The following FSTL5 variants were observed in gnomAD, a reference collection of about 807,000 sequenced individuals.
FSTL5 encodes follistatin-related protein 5.
In FSTL5, 62 loss-of-function variants were observed where a neutral mutation model predicts 89.1. The ratio of observed to expected loss-of-function variants is 0.70; its 90% CI spans 0.57 to 0.86. The LOEUF is 0.86. FSTL5 is among the 40% of genes least tolerant of loss of function. FSTL5 has a pLI of 0.00. For synonymous variants in FSTL5, 383 were observed against 346.2 expected (o/e 1.11, Z -1.18); for missense variants, 1,057 against 1,001.6 (o/e 1.06, Z -0.75).
chr4:161,559,091 T>C (rs139852691), intron 8 of FSTL5, among the ~76,000 whole-genome samples: 34 of 152,040 alleles, frequency 2.2e-4, no homozygotes, highest in African/African-American at 7.9e-4. Context: ...AATCCTTTAC[T>C]GCATTCTCCG....
At chr4:161,966,453 G>A (rs1170768424) in intron 3 of FSTL5, among the ~76,000 whole-genome samples, 4 of 152,092 alleles carry the variant, frequency 2.6e-5, no homozygotes, top group Non-Finnish European at 5.9e-5. Flanking sequence ...CAAATGTGAA[G>A]TATACAAAAC....
intron 1 of FSTL5, among the ~76,000 whole-genome samples, chr4:162,127,273 C>T (rs1177987125): frequency 6.6e-6 from 1 of 152,140 alleles, no homozygotes; most frequent in Non-Finnish European, 1.5e-5. Context: ...TTTTTCATTT[C>T]CCCTTTTATA....
chr4:161,801,816 G>C (rs1579102836), intron 4 of FSTL5, among the ~76,000 whole-genome samples: 1 of 151,580 alleles, frequency 6.6e-6, no homozygotes, highest in African/African-American at 2.4e-5. Context: ...AGTTGTGATT[G>C]AAATGTGTGA....
chr4:162,071,886 T>C (rs1023084955), intron 2 of FSTL5, among the ~76,000 whole-genome samples: 1 of 151,788 alleles, frequency 6.6e-6, no homozygotes, highest in African/African-American at 2.4e-5. Context: ...TTAAACAACA[T>C]GCTCCTTAAT....
intron 1 of FSTL5, among the ~76,000 whole-genome samples, chr4:162,144,992 T>G (rs910297141): frequency 6.7e-6 from 1 of 148,488 alleles, no homozygotes; most frequent in Non-Finnish European, 1.5e-5. Context: ...ATATATTCAT[T>G]GTATGTATAT....
intron 5 of FSTL5, among the ~76,000 whole-genome samples, chr4:161,763,648 C>A (rs1212966746): frequency 6.6e-6 from 1 of 152,188 alleles, no homozygotes; most frequent in East Asian, 1.9e-4. Flanking sequence ...GAGTAACGTA[C>A]CATTCATATG....
In FSTL5 at chr4:161,574,327, CTTTTTCTTTTT is replaced by C. The variant is rs563978527; in HGVS notation, c.1015+13117_1015+13127del. On this transcript the variant is annotated intron_variant, in intron 8 of 15. Transcript: ENST00000306100. ...TCTTCTACTACAAAACATGACTTTC[CTTTTTCTTTTT>C]TTTTTCTTTTTTTTTTTTAAATTTT... Among the ~76,000 whole-genome samples the C allele has an allele frequency of 2.6e-3, 386 of 150,074 alleles. 1 individual carries two copies. Among genetic ancestry groups the C allele is most frequent in the African/African-American group, 6.8e-3 (279 of 40,990 alleles).
In FSTL5 at chr4:161,985,614, T is replaced by C. The variant is rs1411988512; in HGVS notation, c.160+48011A>G. Among the ~76,000 whole-genome samples the C allele has an allele frequency of 2.0e-5, 3 of 152,016 alleles. No individual in the cohort carries two copies. The East Asian group carries it at 5.8e-4, about 29-fold the overall frequency. On this transcript the variant is annotated intron_variant, in intron 3 of 15. Coordinates refer to ENST00000306100, the MANE Select transcript of FSTL5 (RefSeq NM_020116.5). ...TTGAATTTGCCTATTTAAATATCCA[T>C]GCACTTATATGAATACTTATACTTT... is the stretch of plus-strand genomic sequence containing the variant.
intron 3 of FSTL5, among the ~76,000 whole-genome samples, chr4:162,016,714 T>C (rs1224178466): frequency 1.3e-5 from 2 of 152,230 alleles, no homozygotes; most frequent in Non-Finnish European, 2.9e-5. Context: ...CCTGGCATTT[T>C]TGAGCATCTT....
intron 6 of FSTL5, among the ~76,000 whole-genome samples, chr4:161,694,337 A>G (rs1269914519): frequency 6.6e-6 from 1 of 151,856 alleles, no homozygotes; most frequent in East Asian, 1.9e-4. Context: ...AGGCTTTGTT[A>G]TTTTCTGTTT....
At position 161,430,196 on chromosome 4, in the gene FSTL5, A is replaced by G. The variant is rs1283526652; in HGVS notation, c.1841+24808T>C. ...CAGGCTATTTGAAAATACACAGAGG[A>G]GCAAAAAGAAAAAAAAATGAAAAGA... On this transcript the variant is annotated intron_variant, in intron 15 of 15. Transcript: ENST00000306100. Among the ~76,000 whole-genome samples the G allele has an allele frequency of 3.3e-5, 5 of 150,394 alleles. 1 individual carries two copies. The East Asian group carries it at 9.7e-4, about 29-fold the overall frequency.
intron 15 of FSTL5, among the ~76,000 whole-genome samples, chr4:161,445,592 G>A (rs1297033729): frequency 1.3e-5 from 2 of 151,884 alleles, no homozygotes; most frequent in South Asian, 4.2e-4. Context: ...AATATTAAAA[G>A]ATGTTAAAAC....
At chr4:162,017,059 A>T (rs978950472) in intron 3 of FSTL5, among the ~76,000 whole-genome samples, 1 of 152,204 alleles carries the variant, frequency 6.6e-6, no homozygotes, top group Non-Finnish European at 1.5e-5. Context: ...GTAAAGTTTT[A>T]AAAAATATGG....
chr4:161,430,199 A>T (rs1352163426), intron 15 of FSTL5, among the ~76,000 whole-genome samples: 4 of 149,744 alleles, frequency 2.7e-5, no homozygotes, highest in Non-Finnish European at 6.0e-5. Context: ...ACAGAGGAGC[A>T]AAAAGAAAAA....
At chr4:161,860,282 C>A (rs538816982) in intron 4 of FSTL5, among the ~76,000 whole-genome samples, 2 of 117,634 alleles carry the variant, frequency 1.7e-5, no homozygotes, top group African/African-American at 6.3e-5. Context: ...AGCGAGACTC[C>A]GTCTCAAACA....
chr4:162,105,485 T>C (rs1279111503), intron 2 of FSTL5, among the ~76,000 whole-genome samples: 2 of 152,184 alleles, frequency 1.3e-5, no homozygotes, highest in African/African-American at 4.8e-5. Flanking sequence ...TACTTTGATC[T>C]TATTAACCTA....
At chr4:161,544,791 CA>C (rs1177259223) in intron 8 of FSTL5, among the ~76,000 whole-genome samples, 1 of 151,884 alleles carries the variant, frequency 6.6e-6, no homozygotes, top group Non-Finnish European at 1.5e-5. Context: ...AGAGAACTGA[CA>C]AAATTTAAAT....
chr4:161,553,718 G>A (rs1331397975), intron 8 of FSTL5, among the ~76,000 whole-genome samples: 1 of 151,416 alleles, frequency 6.6e-6, no homozygotes, highest in Non-Finnish European at 1.5e-5. Context: ...ATTAAATTAT[G>A]AATTAGATTG....
chr4:161,854,573 A>C (rs991799307), intron 4 of FSTL5, among the ~76,000 whole-genome samples: 3 of 152,196 alleles, frequency 2.0e-5, no homozygotes, highest in African/African-American at 7.2e-5. Context: ...ACTGCTGTTA[A>C]TCCAACAACA....
Sources: allele counts gnomAD v4.1 joint callset (sites outside exome capture counted in the v4.1 genomes callset), GRCh38; gene constraint gnomAD v4.1.1; transcripts MANE v1.5; gene names NCBI Gene and HGNC (gene_info 2026-07-23, HGNC 2026-07-21).